The following PID1 variants were observed in gnomAD, a reference collection of about 807,000 sequenced individuals.
PID1 encodes the protein PTB-containing, cubilin and LRP1-interacting protein.
A neutral mutation model predicts 19.1 loss-of-function variants in PID1; 10 were observed. The ratio of observed to expected loss-of-function variants is 0.52; its 90% CI spans 0.32 to 0.89. PID1 has a LOEUF of 0.89. PID1 is among the 40% of genes least tolerant of loss of function. PID1 has a pLI of 0.03. For synonymous variants in PID1, 130 were observed against 116.0 expected (o/e 1.12, Z -0.78); for missense variants, 248 against 285.3 (o/e 0.87, Z 0.94).
intron 2 of PID1, among the ~76,000 whole-genome samples, chr2:229,148,151 A>G (rs1009057574): frequency 6.6e-6 from 1 of 152,242 alleles, no homozygotes; most frequent in Non-Finnish European, 1.5e-5. Flanking sequence ...GATTTTAGTC[A>G]ATAAATAACA....
At chr2:229,117,065 A>G (rs1412523890) in intron 2 of PID1, among the ~76,000 whole-genome samples, 1 of 152,090 alleles carries the variant, frequency 6.6e-6, no homozygotes, top group African/African-American at 2.4e-5. Flanking sequence ...TATGTTATTT[A>G]TATGTGAATA....
intron 2 of PID1, among the ~76,000 whole-genome samples, chr2:229,036,482 G>C (rs572659438): frequency 6.8e-6 from 1 of 146,192 alleles, no homozygotes; most frequent in East Asian, 1.9e-4. Flanking sequence ...CAGGTGTGGT[G>C]GCTCACGGCT....
intron 1 of PID1, among the ~76,000 whole-genome samples, chr2:229,250,717 G>A (rs1468492649): frequency 5.3e-5 from 8 of 152,166 alleles, no homozygotes; most frequent in Non-Finnish European, 1.0e-4. Context: ...TCATCCCTGA[G>A]GTGTTAGTAT....
At chr2:229,084,101 G>A (rs1694719226) in intron 2 of PID1, among the ~76,000 whole-genome samples, 1 of 152,154 alleles carries the variant, frequency 6.6e-6, no homozygotes, top group Admixed American at 6.5e-5. Flanking sequence ...ACATTCTGCT[G>A]GCTGACACAG....
At chr2:229,049,654 T>C (rs1318763577) in intron 2 of PID1, among the ~76,000 whole-genome samples, 1 of 152,110 alleles carries the variant, frequency 6.6e-6, no homozygotes, top group Non-Finnish European at 1.5e-5. Flanking sequence ...AAGAGACATG[T>C]TCTCATTTCT....
At chr2:229,029,833 C>CA (rs1470595133) in intron 2 of PID1, among the ~76,000 whole-genome samples, 6 of 131,092 alleles carry the variant, frequency 4.6e-5, no homozygotes, top group Admixed American at 4.5e-4. Flanking sequence ...GAGTGACACT[C>CA]CGTCTCAAAA....
intron 2 of PID1, among the ~76,000 whole-genome samples, chr2:229,118,714 G>A (rs57321130): frequency 6.6e-6 from 1 of 152,128 alleles, no homozygotes; most frequent in Non-Finnish European, 1.5e-5. Flanking sequence ...GTTCTTGGGG[G>A]AAAGTACTAA....
At chr2:229,039,425 T>C (rs957611366) in intron 2 of PID1, among the ~76,000 whole-genome samples, 2 of 152,214 alleles carry the variant, frequency 1.3e-5, no homozygotes, top group South Asian at 4.1e-4. Context: ...GCTTGGTGTT[T>C]AGATTATATT....
intron 2 of PID1, among the ~76,000 whole-genome samples, chr2:229,149,839 C>T (rs1166098402): frequency 2.6e-5 from 4 of 152,012 alleles, no homozygotes; most frequent in African/African-American, 7.2e-5. Flanking sequence ...GTGGGACTCT[C>T]GGCAAAGGAC....
At chr2:229,196,228 A>G (rs565876778) in intron 1 of PID1, among the ~76,000 whole-genome samples, 42 of 152,206 alleles carry the variant, frequency 2.8e-4, no homozygotes, top group Non-Finnish European at 4.7e-4. Flanking sequence ...GAAATTCATT[A>G]TATTCTATTT....
At chr2:229,251,190 G>A (rs1690140385) in intron 1 of PID1, among the ~76,000 whole-genome samples, 1 of 152,030 alleles carries the variant, frequency 6.6e-6, no homozygotes, top group Admixed American at 6.5e-5. Context: ...AAGCCACTGT[G>A]AATCAATAAT....
chr2:229,157,457 G>A (rs935459422), intron 1 of PID1, among the ~76,000 whole-genome samples: 6 of 151,124 alleles, frequency 4.0e-5, no homozygotes, highest in African/African-American at 1.5e-4. Flanking sequence ...TCTTAATAAT[G>A]TTATTTTGAA....
chr2:229,217,979 C>CCCTAA (rs1691883696), intron 1 of PID1, among the ~76,000 whole-genome samples: 1 of 152,218 alleles, frequency 6.6e-6, no homozygotes, highest in Non-Finnish European at 1.5e-5. Context: ...CTAATGGTCA[C>CCCTAA]TTCTGATGGG....
chr2:229,139,153 G>GAAAGAAAGAAAGAAAGAAAGAA (rs1366705976), intron 2 of PID1, among the ~76,000 whole-genome samples: 1 of 129,726 alleles, frequency 7.7e-6, no homozygotes, highest in Non-Finnish European at 1.7e-5. Flanking sequence ...AAGAAAGCAA[G>GAAAGAAAGAAAGAAAGAAAGAA]CGAGCGAGCA....
At chr2:229,263,030 C>T (rs1277018911) in intron 1 of PID1, 2 of 779,860 alleles carry the variant, frequency 2.6e-6, no homozygotes, top group African/African-American at 1.8e-5. Flanking sequence ...GACTTCAACA[C>T]ATCTTTTAGG....
At chr2:229,177,028 T>C (rs1437175249) in intron 1 of PID1, among the ~76,000 whole-genome samples, 2 of 152,196 alleles carry the variant, frequency 1.3e-5, no homozygotes, top group Admixed American at 1.3e-4. Flanking sequence ...CATGGCAGAA[T>C]GTGAAAGGTA....
intron 2 of PID1, among the ~76,000 whole-genome samples, chr2:229,151,270 G>A (rs1267720500): frequency 6.6e-6 from 1 of 152,146 alleles, no homozygotes; most frequent in Non-Finnish European, 1.5e-5. Context: ...CCACCCAATG[G>A]CAGTGGAATC....
At chr2:229,072,153 T>C (rs1694468019) in intron 2 of PID1, among the ~76,000 whole-genome samples, 1 of 152,216 alleles carries the variant, frequency 6.6e-6, no homozygotes, top group African/African-American at 2.4e-5. Flanking sequence ...AGTTTCACTA[T>C]GAACCAGACA....
At chr2:229,052,202 T>G (rs1694009435) in intron 2 of PID1, among the ~76,000 whole-genome samples, 1 of 152,118 alleles carries the variant, frequency 6.6e-6, no homozygotes, top group South Asian at 2.1e-4. Flanking sequence ...GTGAAGGCAT[T>G]CTCATAATTC....
Sources: gnomAD v4.1 joint callset for allele counts (sites outside exome capture counted in the v4.1 genomes callset) on GRCh38, gnomAD v4.1.1 for gene constraint, MANE v1.5 for transcripts, NCBI Gene and HGNC (gene_info 2026-07-23, HGNC 2026-07-21) for gene names.